APLN: variants seen among roughly 807,000 people sequenced by gnomAD.
APLN encodes the protein apelin, also known as AGTRL1 ligand.
A neutral mutation model predicts 4.3 loss-of-function variants in APLN; 2 were observed. That is an observed-to-expected ratio of 0.46 (90% CI 0.19 to 1.45). The LOEUF is 1.45. APLN is among the 40% of genes most tolerant of loss of function. The pLI is 0.25. For synonymous variants in APLN, 34 were observed against 30.4 expected (o/e 1.12, Z -0.38); for missense variants, 80 against 70.0 (o/e 1.14, Z -0.51).
chrX:129,647,650 G>A lies in APLN; in HGVS notation c.*273C>T. ...CGGAGGGGACCTGGAGAAGAAGGGA[G>A]GCTTTCTGGGGCTAGGTCTCCAAAG... On this transcript the variant is annotated 3_prime_UTR_variant, in exon 3 of 3. Transcript: ENST00000429967. 1 of 982,425 alleles carries A rather than the reference G, an allele frequency of 1.0e-6. No homozygotes were observed. Among genetic ancestry groups the A allele is most frequent in the East Asian group, 7.5e-5 (1 of 13,298 alleles). The allele number at this position is 982,425 out of a possible 1,213,427, so 81.0% of individuals were successfully genotyped here. A position where few individuals can be genotyped will look rare whatever the true frequency, so the allele number is the denominator to read the frequency against.
chrX:129,650,980 T>C (rs768877038), intron 1 of APLN, among the ~76,000 whole-genome samples: 14 of 111,559 alleles, frequency 1.3e-4, no homozygotes, highest in Admixed American at 9.4e-4. Flanking sequence ...GATGGGGCAG[T>C]GGTGCAGGCC....
chrX:129,654,651 G>T lies in APLN; in HGVS notation c.-21C>A. 1 of 1,091,628 alleles carries T rather than the reference G, an allele frequency of 9.2e-7. No individual in the cohort carries two copies. Among genetic ancestry groups the T allele is most frequent in the South Asian group, 2.3e-5 (1 of 43,601 alleles). The allele number at this position is 1,091,628 out of a possible 1,213,427, so 90.0% of individuals were successfully genotyped here. A position where few individuals can be genotyped will look rare whatever the true frequency, so the allele number is the denominator to read the frequency against. ...TTCATGCTGCTCCTTGGGCCGCCGC[G>T]GCCCCGGCGAGCCGGCGCGGGGGAG... On this transcript the variant is annotated 5_prime_UTR_variant, in exon 1 of 3. Transcript: ENST00000429967.
rs1357663931 is a variant in APLN, at chrX:129,654,830, C to G, written c.-200G>C. On this transcript the variant is annotated 5_prime_UTR_variant, in exon 1 of 3. Transcript: ENST00000429967. ...GCTCTTCTGCAGCCTCCTCTCCCGC[C>G]GCGGGGCAGCGCCGCGAAGCTGGCC... 4 of 204,866 alleles carry G rather than the reference C, an allele frequency of 2.0e-5. No individual in the cohort carries two copies. Among genetic ancestry groups the G allele is most frequent in the Non-Finnish European group, 3.5e-5 (4 of 113,277 alleles). 16.9% of individuals were successfully genotyped at this position (204,866 alleles called of 1,213,427 possible).
At position 129,645,529 on chromosome X, in the gene APLN, A is replaced by G. The variant is rs1156827012; in HGVS notation, c.*2394T>C. On this transcript the variant is annotated 3_prime_UTR_variant, in exon 3 of 3. Transcript: ENST00000429967. ...TATGTTCTTAAATAAACTGCTTTAA[A>G]AAAATTCTTCAAATGACACTGCCAA... 1 of 112,933 alleles carries G rather than the reference A, an allele frequency of 8.9e-6. No individual in the cohort carries two copies. Among genetic ancestry groups the G allele is most frequent in the East Asian group, 2.8e-4 (1 of 3,627 alleles). 9.3% of individuals were successfully genotyped at this position (112,933 alleles called of 1,213,427 possible).
chrX:129,650,549 C>A (rs1936972994), intron 1 of APLN, among the ~76,000 whole-genome samples: 2 of 112,081 alleles, frequency 1.8e-5, no homozygotes, highest in Admixed American at 9.4e-5. Context: ...CCATGAGGAC[C>A]CCGCTGTTGA....
chrX:129,654,705 A>G lies in APLN; in HGVS notation c.-75T>C, dbSNP rs1010773086. The G allele has an allele frequency of 9.0e-4, 756 of 836,034 alleles. No homozygotes were observed. The highest frequency in any genetic ancestry group is 1.0e-3 in the Non-Finnish European group (651 of 652,227). 68.9% of individuals were successfully genotyped at this position (836,034 alleles called of 1,213,427 possible). A position where few individuals can be genotyped will look rare whatever the true frequency, so the allele number is the denominator to read the frequency against. ...AGGTCGGGCGCCCGGAGGCCAAGAA[A>G]GGCGCGAGCCGCGGCTGGCGCGTGC... is the stretch of plus-strand genomic sequence containing the variant. On this transcript the variant is annotated 5_prime_UTR_variant, in exon 1 of 3. Transcript: ENST00000429967.
intron 1 of APLN, 137 bp from the exon 2 acceptor site, chrX:129,648,929 A>G (rs774849219): frequency 3.7e-5 from 24 of 652,414 alleles, no homozygotes; most frequent in Non-Finnish European, 5.0e-5. Flanking sequence ...TTTTTTTCAT[A>G]TTGAGGGAAA....
chrX:129,649,389 A>C (rs1602851534), intron 1 of APLN, among the ~76,000 whole-genome samples: 1 of 111,154 alleles, frequency 9.0e-6, no homozygotes, highest in Admixed American at 9.5e-5. Context: ...TAGGGAGCTC[A>C]TATCTCGCCC....
chrX:129,654,035 C>G (rs759771569), intron 1 of APLN, among the ~76,000 whole-genome samples: 5 of 112,766 alleles, frequency 4.4e-5, no homozygotes, highest in Admixed American at 1.8e-4. Context: ...GCCGCCACCC[C>G]CTCCGCGCAC....
At position 129,647,712 on chromosome X, in the gene APLN, G is replaced by C; in HGVS notation, c.*211C>G. On this transcript the variant is annotated 3_prime_UTR_variant, in exon 3 of 3. Coordinates refer to ENST00000429967, the MANE Select transcript of APLN (RefSeq NM_017413.5). ...AGGGGCCAGGAAGATGGACTGGACG[G>C]ATTCTTGTGAGAGAACGGGAATCAT... 1.0e-6 allele frequency: 1 copy of C among 983,012 alleles called. No individual in the cohort carries two copies. Among genetic ancestry groups the C allele is most frequent in the Non-Finnish European group, 1.3e-6 (1 of 756,153 alleles). The allele number at this position is 983,012 out of a possible 1,213,427, so 81.0% of individuals were successfully genotyped here. A position where few individuals can be genotyped will look rare whatever the true frequency, so the allele number is the denominator to read the frequency against.
Position 129,645,315 on chromosome X carries a change from T to A in APLN, c.*2608A>T, listed in dbSNP as rs1287784175. 1 of 112,680 alleles carries A rather than the reference T, an allele frequency of 8.9e-6. No homozygotes were observed. Among genetic ancestry groups the A allele is most frequent in the African/African-American group, 3.2e-5 (1 of 30,978 alleles). The allele number at this position is 112,680 out of a possible 1,213,427, so 9.3% of individuals were successfully genotyped here. A position where few individuals can be genotyped will look rare whatever the true frequency, so the allele number is the denominator to read the frequency against. On this transcript the variant is annotated 3_prime_UTR_variant, in exon 3 of 3. Transcript: ENST00000429967. ...GGCTATCTCATTCATCAAGCAACTC[T>A]ACTTTGTGAAACATAAAATGATACA...
rs1031821790 is a variant in APLN at position 129,645,542 on chromosome X, A to C, written c.*2381T>G. On this transcript the variant is annotated 3_prime_UTR_variant, in exon 3 of 3. Transcript: ENST00000429967. ...AAACTGCTTTAAAAAAATTCTTCAA[A>C]TGACACTGCCAAAAAAATTAGGACA... is the stretch of plus-strand genomic sequence containing the variant. The C allele has an allele frequency of 8.9e-6, 1 of 112,854 alleles. No individual in the cohort carries two copies. Among genetic ancestry groups the C allele is most frequent in the Non-Finnish European group, 1.9e-5 (1 of 53,316 alleles). 9.3% of individuals were successfully genotyped at this position (112,854 alleles called of 1,213,427 possible).
In APLN at chrX:129,654,574, C is replaced by T. The variant is rs1277401524; in HGVS notation, c.57G>A (p.Ala19=). 1.7e-6 allele frequency: 2 copies of T among 1,155,500 alleles called. No individual in the cohort carries two copies. Among genetic ancestry groups the T allele is most frequent in the African/African-American group, 1.8e-5 (1 of 54,912 alleles). The part of the protein sequence containing the change: ...ALLLLWLSLT[A]VCGGSLMPLP... ...AGGGCGCGCACTCACCTCCACACAC[C>T]GCGGTCAAGGAGAGCCAGAGCAGCA... Residue 19 remains alanine, a synonymous_variant, in exon 1 of 3, where the codon GCG becomes GCA. Transcript: ENST00000429967.
At chrX:129,650,896 G>C (rs959295385) in intron 1 of APLN, among the ~76,000 whole-genome samples, 2 of 112,026 alleles carry the variant, frequency 1.8e-5, no homozygotes, top group African/African-American at 6.5e-5. Context: ...GAAGGACCTA[G>C]GGGCCTTGTG....
In APLN at chrX:129,651,725, G is replaced by T. The variant is rs535549102; in HGVS notation, c.67+2839C>A. Among the ~76,000 whole-genome samples, 88 of 112,269 alleles carry T rather than the reference G, an allele frequency of 7.8e-4. 1 individual carries two copies. The highest frequency in any genetic ancestry group is 2.7e-3 in the African/African-American group (84 of 30,937). Reference sequence around the variant, plus strand: ...TGCCAATGCACAAAGAGGTACTTGCGACTTTTCAGGAACATGCCAGTCTCA... The same window carrying T: ...TGCCAATGCACAAAGAGGTACTTGCTACTTTTCAGGAACATGCCAGTCTCA... On this transcript the variant is annotated intron_variant, in intron 1 of 2. Coordinates refer to ENST00000429967, the MANE Select transcript of APLN (RefSeq NM_017413.5).
chrX:129,650,147 C>G (rs372880416), intron 1 of APLN, among the ~76,000 whole-genome samples: 1 of 111,071 alleles, frequency 9.0e-6, no homozygotes, highest in East Asian at 2.8e-4. Context: ...CCCTGTCCCT[C>G]GAGCCCCATT....
intron 1 of APLN, among the ~76,000 whole-genome samples, chrX:129,649,198 A>G (rs1442147240): frequency 8.9e-6 from 1 of 112,006 alleles, no homozygotes; most frequent in Non-Finnish European, 1.9e-5. Context: ...TGACATTACA[A>G]TGACCCTCCC....
chrX:129,653,086 C>G (rs972209852), intron 1 of APLN, among the ~76,000 whole-genome samples: 2 of 112,569 alleles, frequency 1.8e-5, no homozygotes, highest in African/African-American at 3.2e-5. Context: ...CCTCTGTTAC[C>G]TGCCTGACAG....
intron 1 of APLN, among the ~76,000 whole-genome samples, chrX:129,652,746 A>G (rs941865362): frequency 1.8e-5 from 2 of 112,291 alleles, no homozygotes. Context: ...ATCCTGGCTG[A>G]CTTCCCTTCC....
Sources: gnomAD v4.1 joint callset for allele counts (sites outside exome capture counted in the v4.1 genomes callset) on GRCh38, gnomAD v4.1.1 for gene constraint, MANE v1.5 for transcripts, NCBI Gene and HGNC (gene_info 2026-07-23, HGNC 2026-07-21) for gene names.